The following CSMD1 variants were observed in gnomAD, a reference collection of about 807,000 sequenced individuals.
CSMD1 encodes the protein CUB and Sushi multiple domains 1, also known as CUB and sushi domain-containing protein 1.
Under a neutral mutation model 417.5 loss-of-function variants are expected in CSMD1, and 213 were observed. The ratio of observed to expected loss-of-function variants is 0.51; its 90% CI spans 0.46 to 0.57. The LOEUF is 0.57. Ranked by LOEUF, CSMD1 falls within the 20% of genes least tolerant of loss-of-function variation. The pLI is 0.00. For missense variants in CSMD1, 6,923 were observed against 4,529.7 expected, an observed-to-expected ratio of 1.53 and a Z score of -15.17; for synonymous variants, 2,862 against 1,736.8, an observed-to-expected ratio of 1.65 and a Z score of -16.11.
At chr8:3,883,491 T>C (rs759144543) in intron 5 of CSMD1, among the ~76,000 whole-genome samples, 6 of 152,300 alleles carry the variant, frequency 3.9e-5, no homozygotes, top group South Asian at 2.1e-4. Context: ...CACACAAATA[T>C]ACCTTTTCAC....
At chr8:3,179,204 C>A (rs555162037) in intron 37 of CSMD1, among the ~76,000 whole-genome samples, 2 of 151,966 alleles carry the variant, frequency 1.3e-5, no homozygotes, top group Non-Finnish European at 2.9e-5. Context: ...CTTGGCCTCC[C>A]AAAGTGCTGG....
At chr8:4,275,068 A>T (rs1334249336) in intron 3 of CSMD1, among the ~76,000 whole-genome samples, 3 of 152,164 alleles carry the variant, frequency 2.0e-5, no homozygotes, top group South Asian at 2.1e-4. Context: ...TCTTCTAACA[A>T]TGAGATTAGT....
chr8:4,739,956 G>C (rs1206025684), intron 1 of CSMD1, among the ~76,000 whole-genome samples: 1 of 152,052 alleles, frequency 6.6e-6, no homozygotes, highest in Non-Finnish European at 1.5e-5. Flanking sequence ...CATAGTCTGA[G>C]CTAGGGAAAT....
chr8:4,670,249 C>T (rs531076170), intron 1 of CSMD1, among the ~76,000 whole-genome samples: 11 of 152,308 alleles, frequency 7.2e-5, no homozygotes, highest in Admixed American at 6.5e-5. Flanking sequence ...GTAGAAGAGG[C>T]ATGGCCTTTA....
intron 2 of CSMD1, among the ~76,000 whole-genome samples, chr8:4,427,548 T>C (rs769683777): frequency 1.9e-4 from 29 of 152,064 alleles, no homozygotes; most frequent in Non-Finnish European, 3.7e-4. Flanking sequence ...ATCATGTGAG[T>C]ATATATACAT....
At chr8:3,854,180 T>G (rs1447987082) in intron 5 of CSMD1, among the ~76,000 whole-genome samples, 1 of 147,870 alleles carries the variant, frequency 6.8e-6, no homozygotes, top group East Asian at 1.9e-4. Flanking sequence ...AAACACGTCT[T>G]GGAAATGGAC....
chr8:3,948,339 A>G (rs1811374058), intron 5 of CSMD1, among the ~76,000 whole-genome samples: 1 of 152,190 alleles, frequency 6.6e-6, no homozygotes, highest in South Asian at 2.1e-4. Context: ...AATTTGGGAC[A>G]GAGGCTTTAA....
At chr8:4,486,558 C>A (rs1801427093) in intron 2 of CSMD1, among the ~76,000 whole-genome samples, 1 of 151,802 alleles carries the variant, frequency 6.6e-6, no homozygotes, top group South Asian at 2.1e-4. Context: ...GTAAGCATAA[C>A]AGAAGCTTAT....
At position 3,677,849 on chromosome 8, in the gene CSMD1, A is replaced by C. The variant is rs148120751; in HGVS notation, c.1009+30565T>G. ...TATTTCAATAACATTCTTTAACTCTAAACCCCCTTGCTGAAGCCATTTCAG... is the reference window on the plus strand; with the variant it reads ...TATTTCAATAACATTCTTTAACTCTCAACCCCCTTGCTGAAGCCATTTCAG... On this transcript the variant is annotated intron_variant, in intron 7 of 69. Coordinates refer to ENST00000635120, the MANE Select transcript of CSMD1 (RefSeq NM_033225.6). Among the ~76,000 whole-genome samples the C allele has an allele frequency of 5.3e-5, 8 of 152,280 alleles. No individual in the cohort carries two copies. In the East Asian group the frequency reaches 1.5e-3, roughly 29 times the overall value.
chr8:4,874,633 T>G (rs1802935072), intron 1 of CSMD1, among the ~76,000 whole-genome samples: 1 of 151,784 alleles, frequency 6.6e-6, no homozygotes, highest in Non-Finnish European at 1.5e-5. Context: ...TCAGGTGATC[T>G]ACCCACCTTG....
chr8:3,562,095 A>G (rs1799490852), intron 10 of CSMD1, among the ~76,000 whole-genome samples: 1 of 151,522 alleles, frequency 6.6e-6, no homozygotes, highest in Admixed American at 6.6e-5. Flanking sequence ...CTTCTTACAG[A>G]TGAACATAAC....
intron 26 of CSMD1, among the ~76,000 whole-genome samples, chr8:3,269,206 T>G (rs1303218668): frequency 4.6e-5 from 7 of 152,248 alleles, no homozygotes; most frequent in African/African-American, 1.7e-4. Context: ...GAAAGCTGAA[T>G]GCAGCTGTCT....
At position 4,962,372 on chromosome 8, in the gene CSMD1, G is replaced by A. The variant is rs142031703; in HGVS notation, c.85+31960C>T. ...ACTACAGGTGCAAGCCATCTTGACT[G>A]CTTAATTTTATAATTTTGTGTAGAG... is the stretch of plus-strand genomic sequence containing the variant. On this transcript the variant is annotated intron_variant, in intron 1 of 69. Transcript: ENST00000635120. 1.7e-3 allele frequency among the ~76,000 whole-genome samples: 261 copies of A among 152,036 alleles called. 1 individual carries two copies. The highest frequency in any genetic ancestry group is 5.8e-3 in the African/African-American group (240 of 41,484).
intron 2 of CSMD1, among the ~76,000 whole-genome samples, chr8:4,573,079 G>C (rs1441900225): frequency 3.3e-5 from 5 of 152,126 alleles, no homozygotes; most frequent in Admixed American, 6.5e-5. Context: ...CTTTAGCTCA[G>C]AGGAGTTTGT....
At chr8:3,358,319 C>G (rs1808930873) in intron 21 of CSMD1, among the ~76,000 whole-genome samples, 1 of 152,154 alleles carries the variant, frequency 6.6e-6, no homozygotes, top group Non-Finnish European at 1.5e-5. Flanking sequence ...TTTTCTGTAA[C>G]TTTAAAGAAC....
chr8:3,387,850 T>C (rs367834096), intron 17 of CSMD1, among the ~76,000 whole-genome samples, 168 bp from the exon 18 acceptor site: 6 of 152,308 alleles, frequency 3.9e-5, no homozygotes, highest in African/African-American at 9.6e-5. Context: ...TCTTCAAACA[T>C]TTGACCTCGT....
chr8:4,134,227 C>A lies in CSMD1; in HGVS notation c.416-102128G>T, dbSNP rs192476207. On this transcript the variant is annotated intron_variant, in intron 3 of 69. Coordinates refer to ENST00000635120, the MANE Select transcript of CSMD1 (RefSeq NM_033225.6). ...TGTCCTTACACGCTGAATTGTGTCT[C>A]CCCAGAGTTCGTATGCTGATATATT... is the stretch of plus-strand genomic sequence containing the variant. 1.2e-4 allele frequency among the ~76,000 whole-genome samples: 18 copies of A among 152,238 alleles called. No individual in the cohort carries two copies. The East Asian group carries it at 3.5e-3, about 29-fold the overall frequency.
chr8:4,805,006 C>A (rs191973346), intron 1 of CSMD1, among the ~76,000 whole-genome samples: 121 of 152,200 alleles, frequency 8.0e-4, no homozygotes, highest in African/African-American at 2.9e-3. Context: ...TAATTTAAAT[C>A]TAGTAGAAGG....
chr8:2,945,309 C>G (rs1269655167), intron 68 of CSMD1, among the ~76,000 whole-genome samples: 1 of 151,898 alleles, frequency 6.6e-6, no homozygotes, highest in Non-Finnish European at 1.5e-5. Flanking sequence ...GGCTTTTAAC[C>G]TTAACAGTCT....
Sources: gnomAD v4.1 joint callset for allele counts (sites outside exome capture counted in the v4.1 genomes callset) on GRCh38, gnomAD v4.1.1 for gene constraint, MANE v1.5 for transcripts, NCBI Gene and HGNC (gene_info 2026-07-23, HGNC 2026-07-21) for gene names.